KDM4C: variants seen among roughly 807,000 people sequenced by gnomAD.
KDM4C encodes lysine-specific demethylase 4C.
Under a neutral mutation model 129.3 loss-of-function variants are expected in KDM4C, and 81 were observed. The observed-to-expected ratio is 0.63, with a 90% CI of 0.52 to 0.75. KDM4C has a LOEUF of 0.75. Among genes scored for constraint, KDM4C ranks in the 30% least tolerant of loss-of-function variants. The probability of loss-of-function intolerance (pLI) is 0.00; values close to 1 mark genes in which losing one functional copy is unlikely to be tolerated. For synonymous variants in KDM4C, 573 were observed against 456.1 expected (o/e 1.26, Z -3.26); for missense variants, 1,457 against 1,304.0 (o/e 1.12, Z -1.81).
intron 17 of KDM4C, among the ~76,000 whole-genome samples, chr9:7,073,959 C>T (rs185179045): frequency 1.3e-5 from 2 of 152,150 alleles, no homozygotes; most frequent in Non-Finnish European, 1.5e-5. Context: ...GATGTGGGCA[C>T]ATGGGTTTTG....
At chr9:7,140,504 T>C (rs1841638657) in intron 19 of KDM4C, among the ~76,000 whole-genome samples, 2 of 152,210 alleles carry the variant, frequency 1.3e-5, no homozygotes, top group Admixed American at 1.3e-4. Flanking sequence ...TGGGGACTCA[T>C]AAAGATGGGG....
At chr9:6,828,585 G>C (rs1834276700) in intron 4 of KDM4C, among the ~76,000 whole-genome samples, 1 of 138,124 alleles carries the variant, frequency 7.2e-6, no homozygotes, top group Admixed American at 6.8e-5. Context: ...AAAATTTGGG[G>C]TGGGGCCAGG....
intron 8 of KDM4C, among the ~76,000 whole-genome samples, chr9:6,956,673 A>G (rs1042499729): frequency 6.6e-6 from 1 of 152,208 alleles, no homozygotes; most frequent in Non-Finnish European, 1.5e-5. Flanking sequence ...TAATACACAG[A>G]GCCTAAAATA....
At chr9:7,048,319 C>G (rs1254778954) in intron 16 of KDM4C, among the ~76,000 whole-genome samples, 2 of 152,104 alleles carry the variant, frequency 1.3e-5, no homozygotes, top group African/African-American at 4.8e-5. Context: ...TCTTGAAAGA[C>G]AGGATAGAGT....
At chr9:6,741,676 C>CTTTTTTTTTTTTTT (rs71315557) in intron 1 of KDM4C, among the ~76,000 whole-genome samples, 12 of 94,066 alleles carry the variant, frequency 1.3e-4, no homozygotes, top group African/African-American at 4.2e-4. Context: ...GGTGGCAGCT[C>CTTTTTTTTTTTTTT]TTTTTTTTTT....
intron 17 of KDM4C, among the ~76,000 whole-genome samples, chr9:7,095,106 G>A (rs1269077126): frequency 6.6e-6 from 1 of 152,210 alleles, no homozygotes; most frequent in African/African-American, 2.4e-5. Flanking sequence ...AAAAATGCCT[G>A]GGGGAAGTTG....
intron 19 of KDM4C, among the ~76,000 whole-genome samples, chr9:7,130,661 G>A (rs1259410649): frequency 6.6e-6 from 1 of 152,246 alleles, no homozygotes; most frequent in Non-Finnish European, 1.5e-5. Flanking sequence ...GGCCACAACT[G>A]TTGCCCTGGA....
At chr9:6,880,135 G>A in intron 6 of KDM4C, 74 bp downstream of exon 6, 1 of 955,196 alleles carries the variant, frequency 1.0e-6, no homozygotes. Flanking sequence ...TGTTTTTGAG[G>A]TACTTTTTAC....
At chr9:6,772,757 A>G (rs865958462) in intron 1 of KDM4C, among the ~76,000 whole-genome samples, 19 of 139,842 alleles carry the variant, frequency 1.4e-4, no homozygotes, top group African/African-American at 5.1e-4. Flanking sequence ...AAGTGGCGCC[A>G]TCTTGGCTCA....
intron 15 of KDM4C, among the ~76,000 whole-genome samples, chr9:7,040,410 T>C (rs982664179): frequency 4.0e-5 from 6 of 149,324 alleles, no homozygotes; most frequent in Non-Finnish European, 8.9e-5. Context: ...TGTGTGCGTG[T>C]GTATGTGTCT....
rs561467014 is a variant in KDM4C at position 6,880,468 on chromosome 9, C to A, written c.679+407C>A. ...TTGGGGTATGGTTTTTTCATGACTA[C>A]TTTTTCTGTTGATCTGCTGTTTCCC... On this transcript the variant is annotated intron_variant, in intron 6 of 21. Coordinates refer to ENST00000381309, the MANE Select transcript of KDM4C (RefSeq NM_015061.6). Among the ~76,000 whole-genome samples the A allele has an allele frequency of 2.0e-5, 3 of 152,112 alleles. No homozygotes were observed. In the South Asian group the frequency reaches 6.2e-4, roughly 32 times the overall value.
At chr9:6,743,704 C>T (rs978368369) in intron 1 of KDM4C, among the ~76,000 whole-genome samples, 8 of 151,930 alleles carry the variant, frequency 5.3e-5, no homozygotes, top group South Asian at 2.1e-4. Context: ...GACAGGGTTT[C>T]GTCATGTGGC....
chr9:6,742,799 C>G (rs1817745953), intron 1 of KDM4C, among the ~76,000 whole-genome samples: 1 of 151,840 alleles, frequency 6.6e-6, no homozygotes, highest in Non-Finnish European at 1.5e-5. Flanking sequence ...GAGGCTCCCT[C>G]TCCTTCCTTG....
At chr9:7,111,486 G>A (rs932401825) in intron 18 of KDM4C, among the ~76,000 whole-genome samples, 3 of 152,160 alleles carry the variant, frequency 2.0e-5, no homozygotes, top group South Asian at 2.1e-4. Context: ...TAACAGATGA[G>A]GAAATGGAAA....
Position 6,930,948 on chromosome 9 carries a change from A to T in KDM4C, c.921+37716A>T, listed in dbSNP as rs576744552. ...CAGTTTGCAGTAAGCACCTCAGAGAATTCTGATGTATGGGATCCTCTGAGT... is the reference window on the plus strand; with the variant it reads ...CAGTTTGCAGTAAGCACCTCAGAGATTTCTGATGTATGGGATCCTCTGAGT... On this transcript the variant is annotated intron_variant, in intron 8 of 21. Transcript: ENST00000381309. 2.9e-4 allele frequency among the ~76,000 whole-genome samples: 44 copies of T among 152,230 alleles called. 1 individual carries two copies. Among genetic ancestry groups the T allele is most frequent in the African/African-American group, 1.0e-3 (42 of 41,560 alleles).
At chr9:7,071,178 T>C (rs1207909775) in intron 17 of KDM4C, among the ~76,000 whole-genome samples, 1 of 152,148 alleles carries the variant, frequency 6.6e-6, no homozygotes, top group Non-Finnish European at 1.5e-5. Context: ...GCTAAATAAG[T>C]AGAAAGTTAC....
At chr9:6,878,802 C>T (rs1383119076) in intron 5 of KDM4C, among the ~76,000 whole-genome samples, 1 of 137,552 alleles carries the variant, frequency 7.3e-6, no homozygotes, top group Non-Finnish European at 1.6e-5. Context: ...TACCCCCACA[C>T]CCACACCCAC....
chr9:7,064,315 A>T (rs1693264784), intron 17 of KDM4C, among the ~76,000 whole-genome samples: 1 of 152,206 alleles, frequency 6.6e-6, no homozygotes. Context: ...GATTAAAGTA[A>T]AATGTATTAC....
intron 4 of KDM4C, among the ~76,000 whole-genome samples, chr9:6,841,789 C>G (rs17509395): frequency 0.078 from 11,941 of 152,252 alleles, 666 homozygotes; most frequent in Non-Finnish European, 0.12. Flanking sequence ...GTGCAGTTCA[C>G]AGAATCATCA....
Sources: gnomAD v4.1 joint callset for allele counts (sites outside exome capture counted in the v4.1 genomes callset) on GRCh38, gnomAD v4.1.1 for gene constraint, MANE v1.5 for transcripts, NCBI Gene and HGNC (gene_info 2026-07-23, HGNC 2026-07-21) for gene names.